The following DAB1 variants were observed in gnomAD, a reference collection of about 807,000 sequenced individuals.
DAB1 encodes the protein DAB adaptor protein 1.
A neutral mutation model predicts 64.6 loss-of-function variants in DAB1; 15 were observed. The ratio of observed to expected loss-of-function variants is 0.23; its 90% confidence interval spans 0.16 to 0.36. DAB1 has a LOEUF of 0.36. DAB1 is among the 10% of genes least tolerant of loss of function. The probability of loss-of-function intolerance (pLI) is 1.00; values close to 1 mark genes in which losing one functional copy is unlikely to be tolerated. For synonymous variants in DAB1, 235 were observed against 251.9 expected, an observed-to-expected ratio of 0.93 and a Z score of 0.64; for missense variants, 596 against 706.7, an observed-to-expected ratio of 0.84 and a Z score of 1.78.
At chr1:58,262,483 G>A (rs781103712) in intron 4 of DAB1, among the ~76,000 whole-genome samples, 1 of 152,142 alleles carries the variant, frequency 6.6e-6, no homozygotes, top group African/African-American at 2.4e-5. Context: ...TACTGGGGAG[G>A]CTGAGGCAGG....
intron 7 of DAB1, among the ~76,000 whole-genome samples, chr1:57,471,040 G>T (rs111840533): frequency 6.6e-6 from 1 of 152,170 alleles, no homozygotes; most frequent in Non-Finnish European, 1.5e-5. Flanking sequence ...GAAATTCTGA[G>T]TCCTCAAAAT....
At position 57,291,066 on chromosome 1, in the gene DAB1, G is replaced by A. The variant is rs369563427; in HGVS notation, c.-36C>T. ...CCTTAGTCCACTTCACACAGATCCC[G>A]GGCCTCGGCCAGGCTCATTGAGGAC... On this transcript the variant is annotated 5_prime_UTR_variant, in exon 2 of 15. Coordinates refer to ENST00000371236, the MANE Select transcript of DAB1 (RefSeq NM_001365792.1). The A allele has an allele frequency of 4.0e-5, 60 of 1,515,554 alleles. No homozygotes were observed. The highest frequency in any genetic ancestry group is 7.4e-5 in the Admixed American group (4 of 53,894). The allele number at this position is 1,515,554 out of a possible 1,614,324, so 93.9% of individuals were successfully genotyped here. A position where few individuals can be genotyped will look rare whatever the true frequency, so the allele number is the denominator to read the frequency against.
In DAB1 at chr1:57,211,914, C is replaced by G. The variant is rs555188297; in HGVS notation, c.68-66485G>C. 1.1e-4 allele frequency among the ~76,000 whole-genome samples: 17 copies of G among 152,234 alleles called. 1 individual carries two copies. The East Asian group carries it at 3.3e-3, about 29-fold the overall frequency. On this transcript the variant is annotated intron_variant, in intron 2 of 14. Coordinates refer to ENST00000371236, the MANE Select transcript of DAB1 (RefSeq NM_001365792.1). ...GTGTAAATACTGCAACACTTTATAT[C>G]AGGGACTTGGGCATCTGTGGATTTC...
chr1:57,164,698 G>A (rs985952906), intron 2 of DAB1, among the ~76,000 whole-genome samples: 1 of 152,138 alleles, frequency 6.6e-6, no homozygotes, highest in African/African-American at 2.4e-5. Flanking sequence ...AAAGAGAAAG[G>A]ATGTTCTGAA....
At chr1:58,086,099 G>A (rs1650291432) in intron 5 of DAB1, among the ~76,000 whole-genome samples, 1 of 150,114 alleles carries the variant, frequency 6.7e-6, no homozygotes. Context: ...AAGTAGCTGG[G>A]ACTACAGGCG....
intron 4 of DAB1, among the ~76,000 whole-genome samples, chr1:57,131,897 G>A (rs1657679866): frequency 6.6e-6 from 1 of 152,094 alleles, no homozygotes; most frequent in South Asian, 2.1e-4. Context: ...AGCTATGTGT[G>A]AGTCATTGTG....
intron 2 of DAB1, among the ~76,000 whole-genome samples, chr1:57,285,813 A>G (rs1261283088): frequency 6.6e-6 from 1 of 152,212 alleles, no homozygotes. Context: ...CACTGCCCCC[A>G]GAAATATCTA....
intron 3 of DAB1, among the ~76,000 whole-genome samples, chr1:58,449,530 C>A (rs1212392841): frequency 1.3e-5 from 2 of 152,262 alleles, no homozygotes; most frequent in Non-Finnish European, 2.9e-5. Context: ...TCAGGGATGA[C>A]CTTGGAGGAG....
intron 2 of DAB1, among the ~76,000 whole-genome samples, chr1:57,192,392 C>T (rs1270473656): frequency 6.6e-6 from 1 of 151,606 alleles, no homozygotes; most frequent in Non-Finnish European, 1.5e-5. Flanking sequence ...AATCCCAGCC[C>T]TTCCACTTAC....
chr1:57,102,073 C>T (rs534878964), intron 4 of DAB1, among the ~76,000 whole-genome samples: 3 of 152,250 alleles, frequency 2.0e-5, no homozygotes, highest in Non-Finnish European at 4.4e-5. Flanking sequence ...TGCAATCTAG[C>T]GAGGCAACAG....
intron 3 of DAB1, among the ~76,000 whole-genome samples, chr1:58,450,760 T>C (rs1338320900): frequency 6.6e-6 from 1 of 151,928 alleles, no homozygotes; most frequent in Non-Finnish European, 1.5e-5. Context: ...TCTCAAAAAA[T>C]AAAATAAAAT....
intron 4 of DAB1, among the ~76,000 whole-genome samples, chr1:58,203,439 T>C (rs1658104734): frequency 1.3e-5 from 2 of 152,212 alleles, no homozygotes; most frequent in South Asian, 4.1e-4. Context: ...TTGATTTCTC[T>C]TCCCATATTC....
chr1:57,816,215 T>A (rs540438121), intron 6 of DAB1, among the ~76,000 whole-genome samples: 2 of 152,368 alleles, frequency 1.3e-5, no homozygotes, highest in East Asian at 3.9e-4. Context: ...TGCTTTTACC[T>A]GTTTCACTGA....
At chr1:57,283,220 A>G (rs1322596742) in intron 2 of DAB1, among the ~76,000 whole-genome samples, 1 of 152,212 alleles carries the variant, frequency 6.6e-6, no homozygotes, top group Non-Finnish European at 1.5e-5. Flanking sequence ...GCTATTAGTA[A>G]ATCTTTGTAG....
intron 5 of DAB1, among the ~76,000 whole-genome samples, chr1:58,045,656 TA>T (rs1647224686): frequency 6.6e-6 from 1 of 152,184 alleles, no homozygotes; most frequent in Non-Finnish European, 1.5e-5. Flanking sequence ...CCCTTCTCTT[TA>T]TCTTTCTTTT....
chr1:58,518,203 G>A (rs1646188697), intron 2 of DAB1, among the ~76,000 whole-genome samples: 2 of 2,612 alleles, frequency 7.7e-4, no homozygotes, highest in South Asian at 0.024. Flanking sequence ...AAGAGGAGAG[G>A]GGAGAGGGGA....
intron 4 of DAB1, among the ~76,000 whole-genome samples, chr1:58,327,056 C>CT (rs1378790471): frequency 3.9e-5 from 6 of 152,162 alleles, no homozygotes; most frequent in Admixed American, 2.0e-4. Context: ...AAAATTTTCC[C>CT]ATTACTAACT....
At chr1:57,249,734 A>G (rs2100513453) in intron 2 of DAB1, among the ~76,000 whole-genome samples, 1 of 152,302 alleles carries the variant, frequency 6.6e-6, no homozygotes, top group South Asian at 2.1e-4. Flanking sequence ...TGCCTTTGCA[A>G]GTCCTCTCCC....
intron 3 of DAB1, among the ~76,000 whole-genome samples, chr1:58,491,919 T>C (rs1285363592): frequency 6.6e-6 from 1 of 152,178 alleles, no homozygotes; most frequent in Non-Finnish European, 1.5e-5. Flanking sequence ...GTGGACCTAA[T>C]AGACATCTAC....
Sources: allele counts gnomAD v4.1 joint callset (sites outside exome capture counted in the v4.1 genomes callset), GRCh38; gene constraint gnomAD v4.1.1; transcripts MANE v1.5; gene names NCBI Gene and HGNC (gene_info 2026-07-23, HGNC 2026-07-21).